The following CTNNA2 variants were observed in gnomAD, a reference collection of about 807,000 sequenced individuals.
The protein encoded by CTNNA2 is catenin alpha 2.
CTNNA2 carries 42 observed loss-of-function variants against 101.0 expected under a neutral mutation model. That is an observed-to-expected ratio of 0.42 (90% CI 0.32 to 0.54). CTNNA2 has a LOEUF of 0.54. Among genes scored for constraint, CTNNA2 ranks in the 20% least tolerant of loss-of-function variants. CTNNA2 has a pLI of 0.14. For synonymous variants in CTNNA2, 450 were observed against 456.4 expected, an observed-to-expected ratio of 0.99 and a Z score of 0.18; for missense variants, 871 against 1,223.1, an observed-to-expected ratio of 0.71 and a Z score of 4.29.
At chr2:79,813,395 A>G (rs1049737026) in intron 3 of CTNNA2, among the ~76,000 whole-genome samples, 1 of 152,216 alleles carries the variant, frequency 6.6e-6, no homozygotes, top group African/African-American at 2.4e-5. Flanking sequence ...CAAAGATGGA[A>G]GACAGGTAGA....
At chr2:79,762,052 T>A (rs1237164289) in intron 3 of CTNNA2, among the ~76,000 whole-genome samples, 1 of 152,334 alleles carries the variant, frequency 6.6e-6, no homozygotes, top group African/African-American at 2.4e-5. Context: ...CAGAAGGGCT[T>A]CGTCGTTAAT....
intron 7 of CTNNA2, chr2:80,305,309 C>G (rs1397841636): frequency 1.0e-6 from 1 of 985,200 alleles, no homozygotes; most frequent in Non-Finnish European, 1.2e-6. Flanking sequence ...GTGTGAGATC[C>G]AGTGTGGCAA....
At chr2:79,778,144 C>A (rs1042885546) in intron 3 of CTNNA2, among the ~76,000 whole-genome samples, 4 of 151,724 alleles carry the variant, frequency 2.6e-5, no homozygotes, top group Admixed American at 1.3e-4. Flanking sequence ...GAGTTTGAGA[C>A]CACCCAGGGC....
chr2:79,611,386 T>A (rs1327800520), intron 1 of CTNNA2, among the ~76,000 whole-genome samples: 1 of 152,106 alleles, frequency 6.6e-6, no homozygotes, highest in African/African-American at 2.4e-5. Flanking sequence ...CCAACCTACC[T>A]GTGCAAGGAA....
chr2:80,099,985 C>G (rs1700441341), intron 7 of CTNNA2, among the ~76,000 whole-genome samples: 1 of 151,954 alleles, frequency 6.6e-6, no homozygotes, highest in Non-Finnish European at 1.5e-5. Context: ...GCTGGAGTGC[C>G]ATGGTGCAAT....
intron 7 of CTNNA2, among the ~76,000 whole-genome samples, chr2:80,070,773 A>C (rs902401360): frequency 5.3e-5 from 8 of 151,368 alleles, no homozygotes; most frequent in Non-Finnish European, 1.0e-4. Context: ...AGGTGTGAGC[A>C]GACTCATACT....
At chr2:79,924,648 C>T (rs1196694043) in intron 7 of CTNNA2, among the ~76,000 whole-genome samples, 1 of 152,092 alleles carries the variant, frequency 6.6e-6, no homozygotes, top group African/African-American at 2.4e-5. Context: ...TGTACCCTAA[C>T]TTGACCAAGG....
chr2:80,588,298 C>T (rs1415247102), intron 14 of CTNNA2, among the ~76,000 whole-genome samples: 2 of 152,068 alleles, frequency 1.3e-5, no homozygotes, highest in African/African-American at 4.8e-5. Context: ...AGCAAAGTTA[C>T]TAACAAAAAG....
intron 6 of CTNNA2, among the ~76,000 whole-genome samples, chr2:79,906,591 G>T (rs1685444128): frequency 1.3e-5 from 2 of 152,128 alleles, no homozygotes; most frequent in South Asian, 2.1e-4. Flanking sequence ...AAATGTGATG[G>T]ATAGTGTAAC....
intron 18 of CTNNA2, among the ~76,000 whole-genome samples, chr2:80,620,035 A>T (rs1670947379): frequency 6.6e-6 from 1 of 151,814 alleles, no homozygotes; most frequent in African/African-American, 2.4e-5. Context: ...TCTCCTGGGT[A>T]CCTATTAAAA....
chr2:79,958,394 T>G (rs1468298179), intron 7 of CTNNA2, among the ~76,000 whole-genome samples: 1 of 152,140 alleles, frequency 6.6e-6, no homozygotes, highest in Non-Finnish European at 1.5e-5. Flanking sequence ...GAGACTGTCC[T>G]GGATTGTTCG....
intron 4 of CTNNA2, among the ~76,000 whole-genome samples, chr2:79,376,211 A>G (rs1677972937): frequency 6.6e-6 from 1 of 152,150 alleles, no homozygotes. Flanking sequence ...GCAGACACCC[A>G]GAGAGGGATG....
At chr2:79,393,378 C>T (rs1678195050) in intron 4 of CTNNA2, among the ~76,000 whole-genome samples, 1 of 152,156 alleles carries the variant, frequency 6.6e-6, no homozygotes, top group African/African-American at 2.4e-5. Context: ...CTGACTACTG[C>T]CTGCTTTTAT....
chr2:80,193,450 T>G (rs1706651811), intron 7 of CTNNA2, among the ~76,000 whole-genome samples: 1 of 152,212 alleles, frequency 6.6e-6, no homozygotes, highest in African/African-American at 2.4e-5. Flanking sequence ...CAGGCATGTA[T>G]GCATTCTCAC....
intron 18 of CTNNA2, among the ~76,000 whole-genome samples, chr2:80,634,460 A>G: frequency 6.6e-6 from 1 of 150,636 alleles, no homozygotes; most frequent in Non-Finnish European, 1.5e-5. Context: ...AGTAAACAAG[A>G]AACCAGTATT....
intron 9 of CTNNA2, among the ~76,000 whole-genome samples, chr2:80,539,388 C>G (rs1318234030): frequency 6.7e-5 from 9 of 133,986 alleles, no homozygotes; most frequent in Admixed American, 3.1e-4. Flanking sequence ...TATTCATGTA[C>G]TTACAAAGTG....
chr2:80,339,016 T>A (rs1671995687), intron 7 of CTNNA2, among the ~76,000 whole-genome samples: 1 of 152,252 alleles, frequency 6.6e-6, no homozygotes, highest in African/African-American at 2.4e-5. Context: ...CTGTACTTCG[T>A]ACCAGAATGG....
intron 7 of CTNNA2, among the ~76,000 whole-genome samples, chr2:80,197,679 T>G (rs1447957446): frequency 6.6e-6 from 1 of 152,130 alleles, no homozygotes; most frequent in African/African-American, 2.4e-5. Context: ...CATCACCAAG[T>G]GCCAACCTGA....
chr2:80,329,179 C>G (rs1671092153), intron 7 of CTNNA2, among the ~76,000 whole-genome samples: 1 of 152,230 alleles, frequency 6.6e-6, no homozygotes, highest in Non-Finnish European at 1.5e-5. Context: ...TATCAGCTGA[C>G]TTCCTTTCAA....
Sources: allele counts gnomAD v4.1 joint callset (sites outside exome capture counted in the v4.1 genomes callset), GRCh38; gene constraint gnomAD v4.1.1; transcripts MANE v1.5; gene names NCBI Gene and HGNC (gene_info 2026-07-23, HGNC 2026-07-21).